ZBTB7C: variants seen among roughly 807,000 people sequenced by gnomAD.
The protein encoded by ZBTB7C is zinc finger and BTB domain containing 7C.
A neutral mutation model predicts 25.7 loss-of-function variants in ZBTB7C; 8 were observed. That is an observed-to-expected ratio of 0.31 (90% CI 0.18 to 0.56). The LOEUF is 0.56. Among genes scored for constraint, ZBTB7C ranks in the 20% least tolerant of loss-of-function variants. ZBTB7C has a pLI of 0.91. For missense variants in ZBTB7C, 824 were observed against 855.2 expected, an observed-to-expected ratio of 0.96 and a Z score of 0.46; for synonymous variants, 394 against 369.0, an observed-to-expected ratio of 1.07 and a Z score of -0.78.
chr18:48,040,998 A>G lies in ZBTB7C; in HGVS notation c.110T>C (p.Leu37Pro). The G allele has an allele frequency of 6.2e-7, 1 of 1,614,142 alleles. No homozygotes were observed. Among genetic ancestry groups the G allele is most frequent in the Non-Finnish European group, 8.5e-7 (1 of 1,180,014 alleles). The change falls in exon 4 of 5, where the codon CTC (leucine) becomes CCC (proline). Residue 37 changes from leucine to proline, a missense_variant. This residue lies in a region of ZBTB7C where 117 missense variants were observed against 167.7 expected (regional missense o/e 0.70). Coordinates refer to ENST00000590800, the MANE Select transcript of ZBTB7C (RefSeq NM_001318841.2). ...QRHDGLLCDV[L>P]LVVQEQEYRT... ...ATACTCCTGCTCCTGCACCACCAGG[A>G]GCACGTCACACAGCAGGCCATCGTG...
chr18:48,137,048 C>T, intron 3 of ZBTB7C: 1 of 985,304 alleles, frequency 1.0e-6, no homozygotes, highest in Non-Finnish European at 1.2e-6. Flanking sequence ...CGGGCCGTGT[C>T]CTGAGCGCCG....
Position 48,046,890 on chromosome 18 carries a change from G to A in ZBTB7C, c.-16-5767C>T, listed in dbSNP as rs190186784. ...ATCATGACCATGAGGAGCCAGAAGC[G>A]CAAAGTGGATCTGACGATGGGGACA... On this transcript the variant is annotated intron_variant, in intron 3 of 4. Coordinates refer to ENST00000590800, the MANE Select transcript of ZBTB7C (RefSeq NM_001318841.2). Among the ~76,000 whole-genome samples the A allele has an allele frequency of 5.9e-5, 9 of 152,312 alleles. No homozygotes were observed. In the East Asian group the frequency reaches 1.2e-3, roughly 20 times the overall value.
chr18:48,381,164 G>A (rs575810390), intron 1 of ZBTB7C, among the ~76,000 whole-genome samples: 18 of 152,174 alleles, frequency 1.2e-4, no homozygotes, highest in Non-Finnish European at 2.4e-4. Flanking sequence ...GGAAGCTCCT[G>A]GAGGATATGC....
intron 1 of ZBTB7C, chr18:48,374,155 T>A (rs2047460115): frequency 6.6e-6 from 1 of 152,298 alleles, no homozygotes; most frequent in Non-Finnish European, 1.5e-5. Context: ...TAAATCTCTT[T>A]TCTTATAACT....
intron 1 of ZBTB7C, among the ~76,000 whole-genome samples, chr18:48,381,790 A>G (rs1224616356): frequency 6.6e-6 from 1 of 152,214 alleles, no homozygotes; most frequent in Non-Finnish European, 1.5e-5. Flanking sequence ...TCTAGGATCT[A>G]GGCTGAAGGA....
At chr18:48,308,159 A>G (rs1267708775) in intron 2 of ZBTB7C, among the ~76,000 whole-genome samples, 4 of 152,134 alleles carry the variant, frequency 2.6e-5, no homozygotes, top group African/African-American at 9.7e-5. Context: ...CATCCACCAC[A>G]CACCCACACA....
intron 2 of ZBTB7C, among the ~76,000 whole-genome samples, chr18:48,253,560 T>G (rs549067119): frequency 6.6e-6 from 1 of 152,214 alleles, no homozygotes; most frequent in African/African-American, 2.4e-5. Flanking sequence ...CTAGCATTCT[T>G]CCTGAGTAGA....
intron 2 of ZBTB7C, among the ~76,000 whole-genome samples, chr18:48,223,473 AAGCAGG>A (rs2145309214): frequency 6.6e-6 from 1 of 152,356 alleles, no homozygotes; most frequent in South Asian, 2.1e-4. Flanking sequence ...CCTTCACAGA[AAGCAGG>A]GTTGCAAAGG....
intron 3 of ZBTB7C, among the ~76,000 whole-genome samples, chr18:48,179,373 T>C (rs1315155343): frequency 6.6e-6 from 1 of 152,190 alleles, no homozygotes; most frequent in Non-Finnish European, 1.5e-5. Context: ...CTTGGGGGCC[T>C]TCCAGCCAGC....
At chr18:48,098,973 C>T (rs1344282846) in intron 3 of ZBTB7C, among the ~76,000 whole-genome samples, 10 of 152,186 alleles carry the variant, frequency 6.6e-5, no homozygotes, top group East Asian at 3.8e-4. Flanking sequence ...GTTTGCTGAG[C>T]GGAGGCAGTG....
chr18:48,064,991 A>G (rs914467819), intron 3 of ZBTB7C, among the ~76,000 whole-genome samples: 6 of 152,140 alleles, frequency 3.9e-5, no homozygotes, highest in African/African-American at 1.4e-4. Flanking sequence ...GCAGTCACAG[A>G]CTTTAACCGC....
intron 4 of ZBTB7C, among the ~76,000 whole-genome samples, chr18:48,034,457 C>A (rs768231964): frequency 1.3e-5 from 2 of 152,074 alleles, no homozygotes; most frequent in Non-Finnish European, 1.5e-5. Flanking sequence ...ATCCTTAGGG[C>A]CCTCCCAGAA....
At chr18:48,152,081 G>T (rs2040697009) in intron 3 of ZBTB7C, among the ~76,000 whole-genome samples, 2 of 152,106 alleles carry the variant, frequency 1.3e-5, no homozygotes, top group South Asian at 2.1e-4. Flanking sequence ...AATATGGTGG[G>T]GAGGGCTTCA....
At chr18:48,113,487 G>C (rs2039318643) in intron 3 of ZBTB7C, among the ~76,000 whole-genome samples, 1 of 152,228 alleles carries the variant, frequency 6.6e-6, no homozygotes, top group Admixed American at 6.5e-5. Flanking sequence ...CTATTAAAAG[G>C]GCTGGCAAGA....
chr18:48,275,031 C>T (rs759155611), intron 2 of ZBTB7C, among the ~76,000 whole-genome samples: 2 of 152,142 alleles, frequency 1.3e-5, no homozygotes, highest in African/African-American at 2.4e-5. Context: ...CAACTTGAAG[C>T]CAAAGTTATT....
intron 2 of ZBTB7C, among the ~76,000 whole-genome samples, chr18:48,264,414 C>T (rs554261906): frequency 3.9e-5 from 6 of 152,328 alleles, no homozygotes; most frequent in African/African-American, 1.4e-4. Flanking sequence ...CACATCCTCA[C>T]AGATGCAGCT....
At chr18:48,293,459 G>A (rs1274607516) in intron 2 of ZBTB7C, among the ~76,000 whole-genome samples, 4 of 152,090 alleles carry the variant, frequency 2.6e-5, no homozygotes, top group East Asian at 1.9e-4. Flanking sequence ...TTCAGGCCAC[G>A]GCACCCATAA....
At position 48,262,786 on chromosome 18, in the gene ZBTB7C, G is replaced by A. The variant is rs368400550; in HGVS notation, c.-79+75388C>T. 4.6e-5 allele frequency among the ~76,000 whole-genome samples: 7 copies of A among 152,232 alleles called. No individual in the cohort carries two copies. In the South Asian group the frequency reaches 1.5e-3, roughly 32 times the overall value. On this transcript the variant is annotated intron_variant, in intron 2 of 4. Coordinates refer to ENST00000590800, the MANE Select transcript of ZBTB7C (RefSeq NM_001318841.2). ...TGTCTTTAGGGCTATGTGGCCAGAT[G>A]GGGCAGTTTCAGGCTCCACCAAGAC... is the stretch of plus-strand genomic sequence containing the variant.
intron 3 of ZBTB7C, among the ~76,000 whole-genome samples, chr18:48,166,898 G>A (rs924605429): frequency 1.8e-4 from 26 of 143,118 alleles, no homozygotes; most frequent in African/African-American, 6.1e-4. Context: ...CCTTACTGGC[G>A]GGGGGGAAGC....
Sources: gnomAD v4.1 joint callset for allele counts (sites outside exome capture counted in the v4.1 genomes callset) on GRCh38, gnomAD v4.1.1 for gene constraint, gnomAD v4.1.1 regional missense constraint, MANE v1.5 for transcripts, NCBI Gene and HGNC (gene_info 2026-07-23, HGNC 2026-07-21) for gene names.